Variants in AHCYL2 observed in about 807,000 individuals in gnomAD.
AHCYL2 encodes adenosylhomocysteinase like 2.
A neutral mutation model predicts 81.4 loss-of-function variants in AHCYL2; 28 were observed. The ratio of observed to expected loss-of-function variants is 0.34; its 90% confidence interval spans 0.25 to 0.47. The LOEUF is 0.47. Among genes scored for constraint, AHCYL2 ranks in the 20% least tolerant of loss-of-function variants. AHCYL2 has a pLI of 1.00. For synonymous variants in AHCYL2, 272 were observed against 290.2 expected, an observed-to-expected ratio of 0.94 and a Z score of 0.64; for missense variants, 551 against 785.1, an observed-to-expected ratio of 0.70 and a Z score of 3.56.
intron 4 of AHCYL2, among the ~76,000 whole-genome samples, chr7:129,394,111 C>T (rs1362561393): frequency 5.3e-5 from 8 of 151,842 alleles, no homozygotes; most frequent in African/African-American, 1.5e-4. Context: ...TGGGCTCAAG[C>T]GATCCTCCTG....
At chr7:129,403,311 C>A in intron 6 of AHCYL2, 68 bp from the exon 7 acceptor site, 1 of 1,025,908 alleles carries the variant, frequency 9.7e-7, no homozygotes, top group Non-Finnish European at 1.4e-6. Flanking sequence ...GGATGCAAGA[C>A]CCAGAGAAGC....
Position 129,419,646 on chromosome 7 carries a change from A to C in AHCYL2, c.1462-3194A>C, listed in dbSNP as rs1039228421. On this transcript the variant is annotated intron_variant, in intron 12 of 16. Coordinates refer to ENST00000325006, the MANE Select transcript of AHCYL2 (RefSeq NM_015328.4). This position sits in a 1 kb window ranked among gnomAD's most constrained non-coding sequence, Gnocchi z 4.7. ...TTCAGGTGGTCAAACCAGTAAGTAC[A>C]TAGGCTTTAAACATTTTTTCCAGCC... Among the ~76,000 whole-genome samples the C allele has an allele frequency of 1.3e-5, 2 of 152,104 alleles. No individual in the cohort carries two copies. Among genetic ancestry groups the C allele is most frequent in the Non-Finnish European group, 1.5e-5 (1 of 68,016 alleles).
chr7:129,270,820 C>T (rs1364022213), intron 1 of AHCYL2, among the ~76,000 whole-genome samples: 2 of 152,186 alleles, frequency 1.3e-5, no homozygotes, highest in Non-Finnish European at 2.9e-5. Flanking sequence ...TTGTCCACTC[C>T]GTGTGGGCTT....
chr7:129,307,174 C>G (rs1018472542), intron 1 of AHCYL2, among the ~76,000 whole-genome samples: 2 of 152,098 alleles, frequency 1.3e-5, no homozygotes, highest in African/African-American at 4.8e-5. Context: ...TAGTCTTGTG[C>G]CTTTCCCTTC....
intron 1 of AHCYL2, among the ~76,000 whole-genome samples, chr7:129,309,629 G>A (rs1463858670): frequency 6.6e-6 from 1 of 152,094 alleles, no homozygotes; most frequent in East Asian, 1.9e-4. Context: ...TATTCTTTTG[G>A]TTCTTGTCCG....
chr7:129,322,143 G>A (rs1466924326), intron 1 of AHCYL2, among the ~76,000 whole-genome samples: 3 of 150,476 alleles, frequency 2.0e-5, no homozygotes, highest in Non-Finnish European at 3.0e-5. Context: ...AGGAAGGTAA[G>A]GTTTTTTGTT....
intron 1 of AHCYL2, among the ~76,000 whole-genome samples, chr7:129,349,433 C>T (rs1445171112): frequency 7.5e-6 from 1 of 134,092 alleles, no homozygotes; most frequent in Admixed American, 8.7e-5. Context: ...CAGTTCGAGA[C>T]TAGCCTGGCC....
chr7:129,232,126 C>A (rs932833476), intron 1 of AHCYL2, among the ~76,000 whole-genome samples: 1 of 152,176 alleles, frequency 6.6e-6, no homozygotes, highest in Non-Finnish European at 1.5e-5. Context: ...CACACACTTA[C>A]ATTCTACAGT....
At chr7:129,396,620 C>T (rs1194814915) in intron 4 of AHCYL2, among the ~76,000 whole-genome samples, 1 of 152,116 alleles carries the variant, frequency 6.6e-6, no homozygotes, top group Non-Finnish European at 1.5e-5. Context: ...GATAGGGTTT[C>T]ACCATGTTGG....
chr7:129,406,474 T>G lies in AHCYL2; in HGVS notation c.1295+8T>G. 1 of 1,613,156 alleles carries G rather than the reference T, an allele frequency of 6.2e-7. No homozygotes were observed. Among genetic ancestry groups the G allele is most frequent in the Non-Finnish European group, 8.5e-7 (1 of 1,179,150 alleles). On this transcript the variant is annotated splice_region_variant and intron_variant, in intron 10 of 16. Transcript: ENST00000325006. The surrounding 1 kb of genome is among the most constrained non-coding windows in gnomAD (Gnocchi z 4.3). ...CTGTGCCCTGCAAGCCTGGTAAGCC[T>G]CTACGCTACCATCTCACTTGCAATC...
chr7:129,405,512 GAA>G, intron 8 of AHCYL2: 1 of 338,976 alleles, frequency 3.0e-6, no homozygotes, highest in Non-Finnish European at 5.2e-6. Context: ...CAAGAAAGGG[GAA>G]AAAAAAAGGA....
At chr7:129,348,235 T>G (rs1019151683) in intron 1 of AHCYL2, among the ~76,000 whole-genome samples, 12 of 152,148 alleles carry the variant, frequency 7.9e-5, no homozygotes, top group African/African-American at 2.9e-4. Flanking sequence ...AAATAAATAT[T>G]GGTATATCTA....
At chr7:129,374,837 A>G (rs1422743407) in intron 1 of AHCYL2, among the ~76,000 whole-genome samples, 1 of 148,684 alleles carries the variant, frequency 6.7e-6, no homozygotes, top group Non-Finnish European at 1.5e-5. Flanking sequence ...CTGCCATTTT[A>G]TGTCCTTTCT....
chr7:129,271,178 G>A (rs914517384), intron 1 of AHCYL2, among the ~76,000 whole-genome samples: 1 of 151,788 alleles, frequency 6.6e-6, no homozygotes, highest in Non-Finnish European at 1.5e-5. Flanking sequence ...TGGCTAACAC[G>A]GTGAAATCCC....
chr7:129,277,469 A>G (rs1003083180), intron 1 of AHCYL2, among the ~76,000 whole-genome samples: 3 of 152,020 alleles, frequency 2.0e-5, no homozygotes, highest in Admixed American at 6.6e-5. Context: ...TAGTGGAGAC[A>G]GGGTTTTGCC....
At chr7:129,375,094 A>G (rs1436988413) in intron 1 of AHCYL2, among the ~76,000 whole-genome samples, 1 of 152,192 alleles carries the variant, frequency 6.6e-6, no homozygotes, top group Non-Finnish European at 1.5e-5. Context: ...CCTTCCATGA[A>G]CACACATTTT....
chr7:129,420,044 G>C (rs1797041474), intron 12 of AHCYL2, among the ~76,000 whole-genome samples: 1 of 152,208 alleles, frequency 6.6e-6, no homozygotes, highest in Non-Finnish European at 1.5e-5. Context: ...CTGGACAGTG[G>C]TAGAGATAAG....
At chr7:129,286,243 ACT>A (rs1796625393) in intron 1 of AHCYL2, among the ~76,000 whole-genome samples, 4 of 150,958 alleles carry the variant, frequency 2.6e-5, no homozygotes, top group Admixed American at 2.6e-4. Context: ...GGCCCTTTAC[ACT>A]CTTTATTTTT....
intron 11 of AHCYL2, 115 bp downstream of exon 11, chr7:129,409,661 A>G: frequency 1.2e-6 from 1 of 823,804 alleles, no homozygotes; most frequent in Non-Finnish European, 1.9e-6. Flanking sequence ...GAGAGATAGT[A>G]GCCCACAAAG....
Sources: gnomAD v4.1 joint callset for allele counts (sites outside exome capture counted in the v4.1 genomes callset) on GRCh38, gnomAD v4.1.1 for gene constraint, Gnocchi (gnomAD v3.1) non-coding constraint, MANE v1.5 for transcripts, NCBI Gene and HGNC (gene_info 2026-07-23, HGNC 2026-07-21) for gene names.